SEPTIN9: variants seen among roughly 807,000 people sequenced by gnomAD.
SEPTIN9 encodes septin-9.
A neutral mutation model predicts 56.6 loss-of-function variants in SEPTIN9; 13 were observed. The ratio of observed to expected loss-of-function variants is 0.23; its 90% CI spans 0.15 to 0.37. The LOEUF (loss-of-function observed/expected upper bound fraction) is 0.37, where lower values mean the gene tolerates loss of function less well. Ranked by LOEUF, SEPTIN9 falls within the 10% of genes least tolerant of loss-of-function variation. The pLI is 1.00. For synonymous variants in SEPTIN9, 332 were observed against 334.1 expected (o/e 0.99, Z 0.07); for missense variants, 650 against 823.1 (o/e 0.79, Z 2.57).
intron 2 of SEPTIN9, among the ~76,000 whole-genome samples, chr17:77,356,199 C>T (rs1261359580): frequency 6.6e-6 from 1 of 152,084 alleles, no homozygotes; most frequent in African/African-American, 2.4e-5. Context: ...TTCATTTCTC[C>T]ATCCTACAGA....
At chr17:77,431,030 GC>G (rs1175045533) in intron 3 of SEPTIN9, among the ~76,000 whole-genome samples, 1 of 151,772 alleles carries the variant, frequency 6.6e-6, no homozygotes, top group East Asian at 1.9e-4. Context: ...GTGCTAAGAA[GC>G]ATCTGTCTTC....
At chr17:77,377,008 C>T (rs953581491) in intron 2 of SEPTIN9, 14 of 152,308 alleles carry the variant, frequency 9.2e-5, no homozygotes, top group African/African-American at 3.4e-4. Context: ...CCGGGTCCTT[C>T]AGGCTCAGGG....
chr17:77,475,394 G>A lies in SEPTIN9; in HGVS notation c.722-6750G>A. The A allele has an allele frequency of 2.8e-6, 4 of 1,446,032 alleles. No homozygotes were observed. Among genetic ancestry groups the A allele is most frequent in the Middle Eastern group, 5.1e-4 (2 of 3,912 alleles). The allele number at this position is 1,446,032 out of a possible 1,614,324, so 89.6% of individuals were successfully genotyped here. A position where few individuals can be genotyped will look rare whatever the true frequency, so the allele number is the denominator to read the frequency against. ...CACCCAGGGAGATAGGAGAGGAGGA[G>A]GGAGCAGCCCTGGCCGGACACTGTC... is the stretch of plus-strand genomic sequence containing the variant. On this transcript the variant is annotated intron_variant, in intron 3 of 11. Coordinates refer to ENST00000427177, the MANE Select transcript of SEPTIN9 (RefSeq NM_001113491.2). This position sits in a 1 kb window ranked among gnomAD's most constrained non-coding sequence, Gnocchi z 4.6.
chr17:77,356,017 C>T (rs1048118931), intron 2 of SEPTIN9, among the ~76,000 whole-genome samples: 5 of 149,170 alleles, frequency 3.4e-5, no homozygotes, highest in African/African-American at 1.2e-4. Context: ...CCCAGCTCTT[C>T]CTCCTGTGGT....
rs761829742 is a variant in SEPTIN9, at chr17:77,498,679, G to A, written c.*21G>A. The A allele has an allele frequency of 3.3e-5, 45 of 1,358,840 alleles. No individual in the cohort carries two copies. Among genetic ancestry groups the A allele is most frequent in the Admixed American group, 4.9e-5 (2 of 40,704 alleles). The allele number at this position is 1,358,840 out of a possible 1,614,324, so 84.2% of individuals were successfully genotyped here. A position where few individuals can be genotyped will look rare whatever the true frequency, so the allele number is the denominator to read the frequency against. On this transcript the variant is annotated 3_prime_UTR_variant, in exon 12 of 12. Coordinates refer to ENST00000427177, the MANE Select transcript of SEPTIN9 (RefSeq NM_001113491.2). ...TGTAGACGCCACCCTGCCCACCCCC[G>A]GGATCCTGCCCCCAAGTCATTTCCG...
rs987207261 is a variant in SEPTIN9, at chr17:77,449,743, GAA to G, written c.722-32398_722-32397del. Among the ~76,000 whole-genome samples, 3 of 152,078 alleles carry G rather than the reference GAA, an allele frequency of 2.0e-5. No individual in the cohort carries two copies. Among genetic ancestry groups the G allele is most frequent in the African/African-American group, 7.2e-5 (3 of 41,390 alleles). ...GCCCTGGGCTGGGCTGCAGACAGTG[GAA>G]AAGACAGGCTCTTCTCACTCCCAGT... On this transcript the variant is annotated intron_variant, in intron 3 of 11. Coordinates refer to ENST00000427177, the MANE Select transcript of SEPTIN9 (RefSeq NM_001113491.2). The surrounding 1 kb of genome is among the most constrained non-coding windows in gnomAD (Gnocchi z 4.6).
chr17:77,407,804 G>A (rs903874149), intron 3 of SEPTIN9, among the ~76,000 whole-genome samples: 2 of 152,204 alleles, frequency 1.3e-5, no homozygotes, highest in Non-Finnish European at 2.9e-5. Context: ...ATCCTTTGGG[G>A]TCATCCCTGG....
At chr17:77,490,950 A>G (rs534545907) in intron 8 of SEPTIN9, 91 bp downstream of exon 8, 126 of 1,022,248 alleles carry the variant, frequency 1.2e-4, no homozygotes, top group Middle Eastern at 6.5e-4. Flanking sequence ...AAGGAGTCAC[A>G]CTGTCAGGGA....
At position 77,307,149 on chromosome 17, in the gene SEPTIN9, C is replaced by A. The variant is rs199618012; in HGVS notation, c.28C>A (p.Arg10=). 6.2e-7 allele frequency: 1 copy of A among 1,613,914 alleles called. No individual in the cohort carries two copies. The highest frequency in any genetic ancestry group is 8.5e-7 in the Non-Finnish European group (1 of 1,179,824). MKKSYSGGT[R]TSSGRLRRLG... ...TTTGTCTCTGTCTTTAGGAGGCACGCGGACCTCCAGTGGCCGGCTCCGGAG... is the reference window on the plus strand; with the variant it reads ...TTTGTCTCTGTCTTTAGGAGGCACGAGGACCTCCAGTGGCCGGCTCCGGAG... Residue 10 remains arginine, a synonymous_variant, in exon 2 of 12, where the codon CGG becomes AGG. Coordinates refer to ENST00000427177, the MANE Select transcript of SEPTIN9 (RefSeq NM_001113491.2).
In SEPTIN9 at chr17:77,400,930, G is replaced by T. The variant is rs1568038945; in HGVS notation, c.77-1129G>T. Among the ~76,000 whole-genome samples the T allele has an allele frequency of 6.6e-6, 1 of 152,198 alleles. No homozygotes were observed. The highest frequency in any genetic ancestry group is 1.5e-5 in the Non-Finnish European group (1 of 68,030). ...CAGGTACCATCCCCACTGCCTCCGAGGGAGCAGACCCTGGTGGAGAGGCAG... is the reference window on the plus strand; with the variant it reads ...CAGGTACCATCCCCACTGCCTCCGATGGAGCAGACCCTGGTGGAGAGGCAG... On this transcript the variant is annotated intron_variant, in intron 2 of 11. Coordinates refer to ENST00000427177, the MANE Select transcript of SEPTIN9 (RefSeq NM_001113491.2). This position sits in a 1 kb window ranked among gnomAD's most constrained non-coding sequence, Gnocchi z 4.1.
chr17:77,376,476 C>T (rs549598650), intron 2 of SEPTIN9: 4 of 864,226 alleles, frequency 4.6e-6, no homozygotes, highest in South Asian at 1.1e-4. Context: ...CTGAGGCCAG[C>T]GGATGTGGGT....
rs570869712 is a variant in SEPTIN9, at chr17:77,448,480, C to A, written c.722-33664C>A. The stretch of plus-strand genomic sequence containing the variant: ...GACAGAGCAAGACTCTGTTCCCCGG[C>A]AACCAAAAAAAAAAAAAAAAATTGA... On this transcript the variant is annotated intron_variant, in intron 3 of 11. Coordinates refer to ENST00000427177, the MANE Select transcript of SEPTIN9 (RefSeq NM_001113491.2). 2.6e-3 allele frequency among the ~76,000 whole-genome samples: 363 copies of A among 139,172 alleles called. 1 individual carries two copies. The highest frequency in any genetic ancestry group is 8.5e-3 in the Admixed American group (117 of 13,812). 91.3% of individuals were successfully genotyped at this position (139,172 alleles called of 152,430 possible).
At chr17:77,294,285 T>C (rs2031705361) in intron 1 of SEPTIN9, among the ~76,000 whole-genome samples, 1 of 152,038 alleles carries the variant, frequency 6.6e-6, no homozygotes, top group Non-Finnish European at 1.5e-5. Context: ...CCAGGTGTGA[T>C]GACGCACGCC....
chr17:77,302,402 G>A (rs1435256143), intron 1 of SEPTIN9, among the ~76,000 whole-genome samples: 2 of 152,152 alleles, frequency 1.3e-5, no homozygotes, highest in Non-Finnish European at 2.9e-5. Flanking sequence ...GCCCCTGGCC[G>A]GGCGTGGTGG....
In SEPTIN9 at chr17:77,488,314, G is replaced by A. The variant is rs762543093; in HGVS notation, c.1117G>A (p.Glu373Lys). 17 of 1,613,072 alleles carry A rather than the reference G, an allele frequency of 1.1e-5. No individual in the cohort carries two copies. The highest frequency in any genetic ancestry group is 1.7e-5 in the Admixed American group (1 of 60,006). ...AGGGTTCGGGGACCACATCAACAAC[G>A]AGAACTGGTGAGGCCCCTCCAGGGG... is the stretch of plus-strand genomic sequence containing the variant. The part of the protein sequence containing the change: ...TPGFGDHINN[E>K]NCWQPIMKFI... The change falls in exon 6 of 12, where the codon GAG becomes AAG. Residue 373 changes from glutamate to lysine, a missense_variant. By Grantham distance (56) the Glu-to-Lys change is moderately conservative. This residue lies in a region of SEPTIN9 where 333 missense variants were observed against 494.0 expected (regional missense o/e 0.67). Coordinates refer to ENST00000427177, the MANE Select transcript of SEPTIN9 (RefSeq NM_001113491.2).
At chr17:77,440,374 C>T (rs558337467) in intron 3 of SEPTIN9, among the ~76,000 whole-genome samples, 2 of 152,262 alleles carry the variant, frequency 1.3e-5, no homozygotes, top group African/African-American at 4.8e-5. Context: ...AGGCTGGTCT[C>T]GAACTCCCGA....
At chr17:77,388,107 G>T (rs367769112) in intron 2 of SEPTIN9, among the ~76,000 whole-genome samples, 27 of 152,236 alleles carry the variant, frequency 1.8e-4, no homozygotes, top group South Asian at 1.0e-3. Context: ...TCTGGCTCTC[G>T]CGGTATACCA....
intron 3 of SEPTIN9, chr17:77,446,366 C>CTT: frequency 4.6e-5 from 7 of 151,808 alleles, no homozygotes; most frequent in Non-Finnish European, 3.0e-5. Context: ...CTGCCTTCCT[C>CTT]TTTTTTTTTT....
chr17:77,403,945 A>C (rs1268733992), intron 3 of SEPTIN9, among the ~76,000 whole-genome samples: 1 of 151,970 alleles, frequency 6.6e-6, no homozygotes, highest in Non-Finnish European at 1.5e-5. Context: ...CCCCTCCCCC[A>C]GCTGCTGGCA....
Sources: gnomAD v4.1 joint callset for allele counts (sites outside exome capture counted in the v4.1 genomes callset) on GRCh38, gnomAD v4.1.1 for gene constraint, gnomAD v4.1.1 regional missense constraint, Gnocchi (gnomAD v3.1) non-coding constraint, MANE v1.5 for transcripts, NCBI Gene and HGNC (gene_info 2026-07-23, HGNC 2026-07-21) for gene names.